The following MACC1 variants were observed in gnomAD, a reference collection of about 807,000 sequenced individuals.
MACC1 encodes the protein metastasis-associated in colon cancer protein 1.
In MACC1, 79 loss-of-function variants were observed where a neutral mutation model predicts 70.7. That is an observed-to-expected ratio of 1.12 (90% CI 0.93 to 1.35). The LOEUF (loss-of-function observed/expected upper bound fraction) is 1.35, where lower values mean the gene tolerates loss of function less well. Among genes scored for constraint, MACC1 ranks in the 40% most tolerant of loss-of-function variants. The probability of loss-of-function intolerance (pLI) is 0.00; values close to 1 mark genes in which losing one functional copy is unlikely to be tolerated. For synonymous variants in MACC1, 361 were observed against 347.2 expected, an observed-to-expected ratio of 1.04 and a Z score of -0.44; for missense variants, 1,106 against 978.1, an observed-to-expected ratio of 1.13 and a Z score of -1.74.
chr7:20,190,108 TA>T (rs1299828252), intron 1 of MACC1, among the ~76,000 whole-genome samples: 1 of 152,116 alleles, frequency 6.6e-6, no homozygotes, highest in African/African-American at 2.4e-5. Flanking sequence ...ACAATGGAAT[TA>T]AGGATTCAAC....
At chr7:20,172,550 A>T (rs976617921) in intron 1 of MACC1, among the ~76,000 whole-genome samples, 3 of 152,216 alleles carry the variant, frequency 2.0e-5, no homozygotes, top group Non-Finnish European at 4.4e-5. Flanking sequence ...CTTTAATTTC[A>T]TGTTTAAATT....
Position 20,141,163 on chromosome 7 carries a change from A to G in MACC1, c.2347-5T>C. 2 of 1,570,026 alleles carry G rather than the reference A, an allele frequency of 1.3e-6. No homozygotes were observed. Among genetic ancestry groups the G allele is most frequent in the East Asian group, 2.3e-5 (1 of 44,178 alleles). Reference sequence around the variant, plus strand: ...ATAGGCAGGTTTCCACATCATCTATAAAGAAAAAAAATAGATTGGAGTAGT... The same window carrying G: ...ATAGGCAGGTTTCCACATCATCTATGAAGAAAAAAAATAGATTGGAGTAGT... On this transcript the variant is annotated splice_region_variant and splice_polypyrimidine_tract_variant and intron_variant, in intron 6 of 6. Transcript: ENST00000400331.
At chr7:20,204,146 C>G (rs1562602379) in intron 1 of MACC1, among the ~76,000 whole-genome samples, 1 of 151,812 alleles carries the variant, frequency 6.6e-6, no homozygotes, top group East Asian at 1.9e-4. Context: ...ATTTATTGCT[C>G]AATTCTTTTT....
rs1002723570 is a variant in MACC1 at position 20,196,562 on chromosome 7, C to A, written c.-218+20737G>T. 2.0e-5 allele frequency among the ~76,000 whole-genome samples: 3 copies of A among 151,968 alleles called. No homozygotes were observed. In the South Asian group the frequency reaches 6.2e-4, roughly 31 times the overall value. On this transcript the variant is annotated intron_variant, in intron 1 of 6. Transcript: ENST00000400331. ...AGAAAGATAGTGTATAAATTTATAA[C>A]AATGGGCCGGGTGCGGCCGGCCCAT...
intron 1 of MACC1, among the ~76,000 whole-genome samples, chr7:20,216,140 A>G (rs1783067155): frequency 6.6e-6 from 1 of 152,136 alleles, no homozygotes; most frequent in Non-Finnish European, 1.5e-5. Flanking sequence ...GAAATTCATC[A>G]TTATCACCCA....
chr7:20,188,830 A>G (rs1372983558), intron 1 of MACC1, among the ~76,000 whole-genome samples: 1 of 152,194 alleles, frequency 6.6e-6, no homozygotes, highest in African/African-American at 2.4e-5. Context: ...AAATAGTCAG[A>G]TTATATTACT....
chr7:20,184,552 A>G (rs577084161), intron 1 of MACC1, among the ~76,000 whole-genome samples: 3 of 152,222 alleles, frequency 2.0e-5, no homozygotes, highest in Non-Finnish European at 4.4e-5. Flanking sequence ...TAAATTTTCA[A>G]CCTATCTAAT....
At chr7:20,203,311 C>T (rs1448565828) in intron 1 of MACC1, among the ~76,000 whole-genome samples, 1 of 152,148 alleles carries the variant, frequency 6.6e-6, no homozygotes, top group African/African-American at 2.4e-5. Flanking sequence ...TCACCTCTTC[C>T]ATCGCCCAAC....
chr7:20,168,585 C>T (rs561218306), intron 2 of MACC1, among the ~76,000 whole-genome samples: 6 of 152,298 alleles, frequency 3.9e-5, no homozygotes, highest in Non-Finnish European at 7.4e-5. Flanking sequence ...CCACCTTTTA[C>T]AGTATGTTCA....
intron 1 of MACC1, among the ~76,000 whole-genome samples, chr7:20,181,080 C>CTGTG (rs59476252): frequency 0.03 from 4,472 of 149,170 alleles, 224 homozygotes; most frequent in African/African-American, 0.099. Flanking sequence ...TGTATGTGCT[C>CTGTG]TGTGTGTGTG....
intron 6 of MACC1, among the ~76,000 whole-genome samples, chr7:20,145,448 A>C (rs1781875720): frequency 6.6e-6 from 1 of 152,182 alleles, no homozygotes; most frequent in South Asian, 2.1e-4. Flanking sequence ...AACAAGCAGC[A>C]GTAGAAAATA....
At chr7:20,176,225 T>C (rs10264225) in intron 1 of MACC1, among the ~76,000 whole-genome samples, 2,308 of 152,248 alleles carry the variant, frequency 0.015, 23 homozygotes, top group Middle Eastern at 0.058. Flanking sequence ...TTTTACAACA[T>C]ATACATAAAA....
chr7:20,148,898 C>T (rs1781934279), intron 6 of MACC1, among the ~76,000 whole-genome samples: 1 of 152,128 alleles, frequency 6.6e-6, no homozygotes, highest in African/African-American at 2.4e-5. Flanking sequence ...TAATACTTTT[C>T]CCTTCTCTAA....
chr7:20,177,989 T>A (rs1782422978), intron 1 of MACC1, among the ~76,000 whole-genome samples: 1 of 152,100 alleles, frequency 6.6e-6, no homozygotes, highest in Non-Finnish European at 1.5e-5. Context: ...TATTTTGTGT[T>A]TACTTTTTTA....
intron 1 of MACC1, among the ~76,000 whole-genome samples, chr7:20,193,666 A>C (rs1260695692): frequency 6.6e-6 from 1 of 152,206 alleles, no homozygotes; most frequent in Non-Finnish European, 1.5e-5. Context: ...AAAGCTCAGG[A>C]AGGCAGGCCT....
intron 1 of MACC1, among the ~76,000 whole-genome samples, chr7:20,210,159 T>C (rs1292739846): frequency 1.3e-5 from 2 of 152,224 alleles, no homozygotes; most frequent in African/African-American, 2.4e-5. Flanking sequence ...GTAAGCATAA[T>C]TGTGATTTGT....
At position 20,159,007 on chromosome 7, in the gene MACC1, T is replaced by A. The variant is rs191210999; in HGVS notation, c.1354A>T (p.Arg452Trp). Residue 452 changes from arginine to tryptophan, a missense_variant, in exon 5 of 7, where the codon AGG becomes TGG. Transcript: ENST00000400331. ...PDFEVKTEGE[R>W]KEIKQKQLEA... ...AACTGCTTTTGTTTAATTTCTTTCCTTTCTCCTTCTGTCTTTACTTCAAAA... is the reference window on the plus strand; with the variant it reads ...AACTGCTTTTGTTTAATTTCTTTCCATTCTCCTTCTGTCTTTACTTCAAAA... 4.3e-6 allele frequency: 7 copies of A among 1,614,046 alleles called. No individual in the cohort carries two copies. In the Admixed American group the frequency reaches 8.3e-5, roughly 19 times the overall value.
At chr7:20,206,679 G>T (rs1782914664) in intron 1 of MACC1, among the ~76,000 whole-genome samples, 1 of 152,136 alleles carries the variant, frequency 6.6e-6, no homozygotes. Flanking sequence ...AAACCATTTG[G>T]CCTCCTGACT....
In MACC1 at chr7:20,160,032, C is replaced by T. The variant is rs200647420; in HGVS notation, c.329G>A (p.Gly110Glu). Reference sequence around the variant, plus strand: ...ATCACCGGAGGAATCAAAAGAATTTCCATTTTCTATTTCTCTACAGAAAAG... The same window carrying T: ...ATCACCGGAGGAATCAAAAGAATTTTCATTTTCTATTTCTCTACAGAAAAG... ...PFLFCREIENGNSFDSSGDEL... is the reference protein window; with the variant it reads ...PFLFCREIENENSFDSSGDEL... The change falls in exon 5 of 7, where the codon GGA becomes GAA. Residue 110 changes from glycine (G) to glutamate (E), a missense_variant. Gly to Glu is a moderately conservative substitution (Grantham distance 98, BLOSUM62 -2). Transcript: ENST00000400331. The T allele has an allele frequency of 8.7e-6, 14 of 1,610,872 alleles. No homozygotes were observed. The South Asian group carries it at 1.3e-4, about 15-fold the overall frequency.
Sources: gnomAD v4.1 joint callset for allele counts (sites outside exome capture counted in the v4.1 genomes callset) on GRCh38, gnomAD v4.1.1 for gene constraint, MANE v1.5 for transcripts, NCBI Gene and HGNC (gene_info 2026-07-23, HGNC 2026-07-21) for gene names.